The following ATR variants were observed in gnomAD, a reference collection of about 807,000 sequenced individuals.
ATR encodes the protein ATR checkpoint kinase.
A neutral mutation model predicts 305.3 loss-of-function variants in ATR; 142 were observed. The observed-to-expected ratio is 0.47, with a 90% CI of 0.41 to 0.53. ATR has a LOEUF of 0.53. Ranked by LOEUF, ATR falls within the 20% of genes least tolerant of loss-of-function variation. The pLI is 0.00. For synonymous variants in ATR, 1,050 were observed against 1,068.1 expected, an observed-to-expected ratio of 0.98 and a Z score of 0.33; for missense variants, 2,135 against 3,133.1, an observed-to-expected ratio of 0.68 and a Z score of 7.60.
chr3:142,485,816 C>A (rs1273291273), intron 35 of ATR, among the ~76,000 whole-genome samples: 2 of 152,196 alleles, frequency 1.3e-5, no homozygotes, highest in Non-Finnish European at 2.9e-5. Flanking sequence ...CCTTCAGAAG[C>A]AGGCTTCTAA....
At chr3:142,485,395 C>A in intron 35 of ATR, 113 bp from the exon 36 acceptor site, 1 of 1,303,446 alleles carries the variant, frequency 7.7e-7, no homozygotes, top group Non-Finnish European at 1.1e-6. Context: ...CTAGGCAGAG[C>A]AAAGTCAAAA....
intron 36 of ATR, among the ~76,000 whole-genome samples, chr3:142,480,858 G>A (rs1272121608): frequency 6.6e-6 from 1 of 152,192 alleles, no homozygotes; most frequent in African/African-American, 2.4e-5. Flanking sequence ...CAATGAGAGA[G>A]GCTCCGTGGG....
At chr3:142,455,182 T>C (rs529431331) in intron 45 of ATR, among the ~76,000 whole-genome samples, 6 of 152,102 alleles carry the variant, frequency 3.9e-5, no homozygotes, top group African/African-American at 1.4e-4. Context: ...TCAAAAGGAA[T>C]AAAATACTTA....
In ATR at chr3:142,519,720, C is replaced by T; in HGVS notation, c.4331G>A (p.Arg1444Lys). The T allele has an allele frequency of 6.2e-7, 1 of 1,614,116 alleles. No individual in the cohort carries two copies. Among genetic ancestry groups the T allele is most frequent in the Non-Finnish European group, 8.5e-7 (1 of 1,179,980 alleles). The change falls in exon 24 of 47, where the codon AGG (arginine) becomes AAG (lysine). Residue 1444 changes from arginine (R) to lysine (K), a missense_variant. Coordinates refer to ENST00000350721, the MANE Select transcript of ATR (RefSeq NM_001184.4). ...ETNGPGHQLW[R>K]RFPEHVREIL... ...TTCCCGAACATGCTCAGGAAATCTC[C>T]TCCACAATTGGTGACCTGGGCCGTT...
chr3:142,485,854 C>T (rs2030886967), intron 35 of ATR, among the ~76,000 whole-genome samples: 1 of 152,180 alleles, frequency 6.6e-6, no homozygotes, highest in Non-Finnish European at 1.5e-5. Flanking sequence ...ACATTGATTC[C>T]TAAAACTATG....
intron 36 of ATR, among the ~76,000 whole-genome samples, chr3:142,474,946 CT>C (rs2071398655): frequency 6.6e-6 from 1 of 151,408 alleles, no homozygotes; most frequent in African/African-American, 2.4e-5. Flanking sequence ...TAAAAAGCCT[CT>C]TTTATTTTAA....
chr3:142,466,623 G>T (rs562888836), intron 39 of ATR, 90 bp from the exon 40 acceptor site: 2 of 1,226,522 alleles, frequency 1.6e-6, no homozygotes, highest in Admixed American at 4.2e-5. Flanking sequence ...TGATTACAAA[G>T]GTTCAGCAGT....
At position 142,553,883 on chromosome 3, in the gene ATR, C is replaced by T. The variant is rs2108465350; in HGVS notation, c.2474G>A (p.Ser825Asn). Residue 825 changes from serine (S) to asparagine (N), a missense_variant, in exon 11 of 47, where the codon AGT becomes AAT. Transcript: ENST00000350721. ...TTCCAATATGTGCTTGATATTTCCACTAAAAGCCACTCTAACATCTTTGTC... is the reference window on the plus strand; with the variant it reads ...TTCCAATATGTGCTTGATATTTCCATTAAAAGCCACTCTAACATCTTTGTC... ...DPDKDVRVAF[S>N]GNIKHILESL... 2 of 1,613,490 alleles carry T rather than the reference C, an allele frequency of 1.2e-6. No homozygotes were observed. Among genetic ancestry groups the T allele is most frequent in the East Asian group, 4.5e-5 (2 of 44,734 alleles).
chr3:142,497,115 T>A lies in ATR; in HGVS notation c.5636A>T (p.Asp1879Val), dbSNP rs2108336303. The A allele has an allele frequency of 1.9e-6, 3 of 1,614,092 alleles. No individual in the cohort carries two copies. The highest frequency in any genetic ancestry group is 1.7e-6 in the Non-Finnish European group (2 of 1,179,992). Residue 1879 changes from aspartate (D) to valine (V), a missense_variant, in exon 33 of 47, where the codon GAT becomes GTT. Around this residue, in one of 9 missense-constraint regions of ATR, gnomAD observed 117 missense variants for 198.3 expected, o/e 0.59. Coordinates refer to ENST00000350721, the MANE Select transcript of ATR (RefSeq NM_001184.4). ...QHSPGDSSQE[D>V]SLNWVARLEM... ...TAGTCGAGCTACCCAGTTTAGAGAA[T>A]CTTCTTGAGAACTGTCACCTGGAGA...
At chr3:142,502,041 C>A (rs756981306) in intron 30 of ATR, among the ~76,000 whole-genome samples, 1 of 152,092 alleles carries the variant, frequency 6.6e-6, no homozygotes. Context: ...GCCACCACAC[C>A]CAGCCCAGAA....
intron 21 of ATR, 67 bp from the exon 22 acceptor site, chr3:142,524,266 G>A (rs1057270572): frequency 3.5e-6 from 5 of 1,410,964 alleles, no homozygotes; most frequent in Non-Finnish European, 4.9e-6. Flanking sequence ...CCTGAGCTAG[G>A]AAGCTTAAAA....
intron 36 of ATR, among the ~76,000 whole-genome samples, chr3:142,476,738 C>T (rs2071465923): frequency 6.6e-6 from 1 of 152,090 alleles, no homozygotes; most frequent in Non-Finnish European, 1.5e-5. Flanking sequence ...ATGGAATGTT[C>T]TTCCATTTGT....
chr3:142,560,141 T>G, intron 6 of ATR, 122 bp downstream of exon 6: 3 of 921,872 alleles, frequency 3.3e-6, no homozygotes, highest in Non-Finnish European at 5.2e-6. Context: ...AATAAATTTA[T>G]TAACTACTTC....
chr3:142,453,463 T>C (rs1352226979), intron 45 of ATR, among the ~76,000 whole-genome samples: 1 of 152,142 alleles, frequency 6.6e-6, no homozygotes, highest in Non-Finnish European at 1.5e-5. Flanking sequence ...TTTTGGAGAA[T>C]AGAGTAAGAT....
chr3:142,523,910 G>T, intron 22 of ATR, 83 bp downstream of exon 22: 1 of 1,385,020 alleles, frequency 7.2e-7, no homozygotes, highest in South Asian at 1.3e-5. Context: ...TTAAGGATAA[G>T]CTGAATAGTT....
chr3:142,550,171 G>A lies in ATR; in HGVS notation c.2937C>T (p.Ala979=). The change falls in exon 14 of 47, where the codon GCC becomes GCT. Residue 979 remains alanine, a synonymous_variant. Transcript: ENST00000350721. ...EMALNTLSEI[A]NVFDFPDLNR... ...TAAGATCAGGAAAGTCGAAAACGTT[G>A]GCAATTTCAGACAACGTATTTAAAG... 6.2e-7 allele frequency: 1 copy of A among 1,614,096 alleles called. No homozygotes were observed. Among genetic ancestry groups the A allele is most frequent in the South Asian group, 1.1e-5 (1 of 91,082 alleles).
chr3:142,535,902 G>T (rs2033839891), intron 20 of ATR, among the ~76,000 whole-genome samples: 1 of 152,074 alleles, frequency 6.6e-6, no homozygotes. Context: ...CTATCTAATG[G>T]TGTTACATAT....
intron 36 of ATR, among the ~76,000 whole-genome samples, chr3:142,481,883 C>T (rs894757163): frequency 1.3e-5 from 2 of 151,776 alleles, no homozygotes; most frequent in Non-Finnish European, 2.9e-5. Context: ...AGTGCAGTGG[C>T]ATGATCATAG....
intron 3 of ATR, among the ~76,000 whole-genome samples, chr3:142,565,037 G>A (rs1479117847): frequency 1.3e-5 from 2 of 152,066 alleles, no homozygotes; most frequent in South Asian, 2.1e-4. Context: ...GTGAGACATC[G>A]TGCCCAGCCT....
Sources: allele counts gnomAD v4.1 joint callset (sites outside exome capture counted in the v4.1 genomes callset), GRCh38; gene constraint gnomAD v4.1.1; regional missense constraint gnomAD v4.1.1; transcripts MANE v1.5; gene names NCBI Gene and HGNC (gene_info 2026-07-23, HGNC 2026-07-21).